Variants in DOCK8 observed in about 807,000 individuals in gnomAD.
DOCK8 encodes the protein dedicator of cytokinesis protein 8.
A neutral mutation model predicts 245.6 loss-of-function variants in DOCK8; 141 were observed. That is an observed-to-expected ratio of 0.57 (90% CI 0.50 to 0.66). DOCK8 has a LOEUF of 0.66. Among genes scored for constraint, DOCK8 ranks in the 30% least tolerant of loss-of-function variants. The pLI is 0.00. For synonymous variants in DOCK8, 1,168 were observed against 970.2 expected (o/e 1.20, Z -3.79); for missense variants, 2,965 against 2,603.4 (o/e 1.14, Z -3.02).
chr9:269,340 G>A (rs1289649797), intron 1 of DOCK8, among the ~76,000 whole-genome samples: 1 of 151,448 alleles, frequency 6.6e-6, no homozygotes, highest in East Asian at 1.9e-4. Flanking sequence ...ATTTCACTTA[G>A]GATAATGTTT....
intron 22 of DOCK8, among the ~76,000 whole-genome samples, chr9:384,413 A>G (rs2053859351): frequency 6.6e-6 from 1 of 152,196 alleles, no homozygotes; most frequent in Non-Finnish European, 1.5e-5. Flanking sequence ...AGACACAGAC[A>G]CAGTTTCACC....
At chr9:354,597 G>A (rs1008221244) in intron 14 of DOCK8, among the ~76,000 whole-genome samples, 1 of 152,150 alleles carries the variant, frequency 6.6e-6, no homozygotes, top group Non-Finnish European at 1.5e-5. Context: ...GTGCAGTGAG[G>A]ATGTCAGCCT....
Position 439,394 on chromosome 9 carries a change from T to A in DOCK8, c.5223+6T>A. The A allele has an allele frequency of 6.2e-7, 1 of 1,612,644 alleles. No homozygotes were observed. Among genetic ancestry groups the A allele is most frequent in the South Asian group, 1.1e-5 (1 of 91,048 alleles). Reference sequence around the variant, plus strand: ...CCGCGGAGCTCTTCAGCACGGTCAGTGCCCAGAGGGCATCCCGGGGCCTGG... The same window carrying A: ...CCGCGGAGCTCTTCAGCACGGTCAGAGCCCAGAGGGCATCCCGGGGCCTGG... On this transcript the variant is annotated splice_donor_region_variant and intron_variant, in intron 40 of 47. Coordinates refer to ENST00000432829, the MANE Select transcript of DOCK8 (RefSeq NM_203447.4).
rs2053777184 is a variant in DOCK8, at chr9:382,762, A to G, written c.2778+77A>G. On this transcript the variant is annotated intron_variant, in intron 22 of 47. Transcript: ENST00000432829. ...ACTAAAACTTGGAGAAGTAACACAG[A>G]AGCAACCACTACTGCTGCCCACCAT... is the stretch of plus-strand genomic sequence containing the variant. The G allele has an allele frequency of 8.4e-6, 13 of 1,550,712 alleles. No homozygotes were observed. The South Asian group carries it at 1.3e-4, about 15-fold the overall frequency.
intron 17 of DOCK8, 56 bp downstream of exon 17, chr9:371,622 C>A (rs2131216268): frequency 6.2e-7 from 1 of 1,610,480 alleles, no homozygotes; most frequent in Non-Finnish European, 8.5e-7. Context: ...ATCTGAGGTC[C>A]CTGCAGAGAT....
rs144676977 is a variant in DOCK8, at chr9:224,721, G to A, written c.53+9692G>A. Among the ~76,000 whole-genome samples, 375 of 152,194 alleles carry A rather than the reference G, an allele frequency of 2.5e-3. 4 individuals are homozygous for A. The highest frequency in any genetic ancestry group is 4.6e-3 in the Admixed American group (71 of 15,294). On this transcript the variant is annotated intron_variant, in intron 1 of 47. Coordinates refer to ENST00000432829, the MANE Select transcript of DOCK8 (RefSeq NM_203447.4). ...GCTGTCCTCAGGAAATTACACTTGG[G>A]GTCTGTGGTTCCCCAGGAAGACAAA... is the stretch of plus-strand genomic sequence containing the variant.
chr9:441,986 C>T lies in DOCK8; in HGVS notation c.5467C>T (p.Pro1823Ser), dbSNP rs766493394. ...CAAAGAGCCTGCAATTACCAAGCTT[C>T]CTGAGATCTCACATAGACTAGAGGT... is the stretch of plus-strand genomic sequence containing the variant. Reference protein sequence around the residue: ...VYKEPAITKLPEISHRLEAFY... With the variant: ...VYKEPAITKLSEISHRLEAFY... Residue 1823 changes from proline (P) to serine (S), a missense_variant, in exon 42 of 48, where the codon CCT becomes TCT. Physicochemically the swap from Pro to Ser is moderately conservative, Grantham distance 74 (BLOSUM62 -1). Around this residue, in one of 3 missense-constraint regions of DOCK8, gnomAD observed 2,825 missense variants for 2,453.5 expected, o/e 1.15. Coordinates refer to ENST00000432829, the MANE Select transcript of DOCK8 (RefSeq NM_203447.4). 3.1e-6 allele frequency: 5 copies of T among 1,613,990 alleles called. No homozygotes were observed. Among genetic ancestry groups the T allele is most frequent in the Non-Finnish European group, 3.4e-6 (4 of 1,179,994 alleles).
Position 449,859 on chromosome 9 carries a change from C to T in DOCK8, c.5893C>T (p.Gln1965Ter), listed in dbSNP as rs1265049708. 1 of 1,613,598 alleles carries T rather than the reference C, an allele frequency of 6.2e-7. No homozygotes were observed. The highest frequency in any genetic ancestry group is 1.3e-5 in the African/African-American group (1 of 74,904). ...KTLQLAVAIN[Q>*]EPPDAKMLQM... ...CCTGCAGTTAGCAGTTGCCATTAAC[C>T]AGGAGCCGCCTGATGCAAAGATGCT... Residue 1965 changes from glutamine to a stop codon, truncating the protein, a stop_gained, in exon 45 of 48, where the codon CAG (glutamine) becomes TAG (stop). Transcript: ENST00000432829. LOFTEE classifies it high-confidence loss of function.
intron 8 of DOCK8, among the ~76,000 whole-genome samples, chr9:327,044 C>G (rs535542932): frequency 6.6e-6 from 1 of 152,198 alleles, no homozygotes; most frequent in African/African-American, 2.4e-5. Flanking sequence ...AAGATTCATT[C>G]CCTACAACCA....
chr9:213,951 C>G (rs1245508253), upstream of DOCK8: 3 of 152,606 alleles, frequency 2.0e-5, no homozygotes, highest in Non-Finnish European at 1.5e-5. Context: ...TGGTCTCGAT[C>G]TCCTGACCTC....
intron 1 of DOCK8, among the ~76,000 whole-genome samples, chr9:228,452 T>A (rs1233907509): frequency 6.6e-6 from 1 of 152,150 alleles, no homozygotes; most frequent in Admixed American, 6.6e-5. Context: ...CTGTTTAAAA[T>A]TTTATTATTT....
At chr9:414,534 G>C (rs907552842) in intron 28 of DOCK8, among the ~76,000 whole-genome samples, 2 of 151,320 alleles carry the variant, frequency 1.3e-5, no homozygotes, top group Non-Finnish European at 2.9e-5. Context: ...GTATTGCTTG[G>C]TTTTCCAGGG....
chr9:433,846 G>A, intron 37 of DOCK8, 29 bp from the exon 38 acceptor site: 1 of 1,564,810 alleles, frequency 6.4e-7, no homozygotes, highest in Non-Finnish European at 8.8e-7. Context: ...ACAAAGCTAA[G>A]ATTATTTTGA....
chr9:374,636 T>G (rs1249995728), intron 18 of DOCK8, among the ~76,000 whole-genome samples: 3 of 150,996 alleles, frequency 2.0e-5, no homozygotes, highest in Admixed American at 2.0e-4. Context: ...TAATTTTTTT[T>G]TTTTTTTTCA....
Position 418,115 on chromosome 9 carries a change from G to C in DOCK8, c.3748G>C (p.Glu1250Gln). ...CACCAGTGGCTCGGATGAAGAACAA[G>C]AAGGAGCCGGTGCCATTAACCAGAA... ...YRTSGSDEEQEGAGAINQNVA... is the reference protein window; with the variant it reads ...YRTSGSDEEQQGAGAINQNVA... Residue 1250 changes from glutamate to glutamine, a missense_variant, in exon 30 of 48, where the codon GAA (glutamate) becomes CAA (glutamine). Around this residue, in one of 3 missense-constraint regions of DOCK8, gnomAD observed 2,825 missense variants for 2,453.5 expected, o/e 1.15. Transcript: ENST00000432829. 1.9e-6 allele frequency: 3 copies of C among 1,614,246 alleles called. No homozygotes were observed. The highest frequency in any genetic ancestry group is 2.5e-6 in the Non-Finnish European group (3 of 1,180,050).
intron 40 of DOCK8, among the ~76,000 whole-genome samples, chr9:440,643 T>G (rs990402197): frequency 1.3e-5 from 2 of 152,212 alleles, no homozygotes; most frequent in African/African-American, 4.8e-5. Context: ...GAGGAGGACC[T>G]CTGATGAAAT....
chr9:376,886 A>G (rs1349008045), intron 19 of DOCK8, 91 bp from the exon 20 acceptor site: 4 of 1,137,984 alleles, frequency 3.5e-6, no homozygotes, highest in Middle Eastern at 1.9e-4. Context: ...AAGAGGTTCT[A>G]CCCATAAAGA....
In DOCK8 at chr9:395,893, T is replaced by C. The variant is rs146993983; in HGVS notation, c.2971-892T>C. On this transcript the variant is annotated intron_variant, in intron 24 of 47. Transcript: ENST00000432829. Reference sequence around the variant, plus strand: ...TAGATACGATATGTATATGTATGTATATCCATATAGATATATCTGTATATA... The same window carrying C: ...TAGATACGATATGTATATGTATGTACATCCATATAGATATATCTGTATATA... Among the ~76,000 whole-genome samples, 600 of 152,336 alleles carry C rather than the reference T, an allele frequency of 3.9e-3. 4 individuals carry two copies. Among genetic ancestry groups the C allele is most frequent in the African/African-American group, 0.013 (558 of 41,574 alleles).
chr9:347,589 G>A (rs920716335), intron 14 of DOCK8, among the ~76,000 whole-genome samples: 10 of 152,198 alleles, frequency 6.6e-5, no homozygotes, highest in African/African-American at 2.2e-4. Flanking sequence ...GCAAGCAGTC[G>A]CTTATGGAAC....
Sources: allele counts gnomAD v4.1 joint callset (sites outside exome capture counted in the v4.1 genomes callset), GRCh38; gene constraint gnomAD v4.1.1; regional missense constraint gnomAD v4.1.1; transcripts MANE v1.5; gene names NCBI Gene and HGNC (gene_info 2026-07-23, HGNC 2026-07-21).